GRM8: variants seen among roughly 807,000 people sequenced by gnomAD.
GRM8 encodes glutamate metabotropic receptor 8.
In GRM8, 47 loss-of-function variants were observed where a neutral mutation model predicts 87.2. The observed-to-expected ratio is 0.54, with a 90% CI of 0.43 to 0.69. The LOEUF is 0.69. Among genes scored for constraint, GRM8 ranks in the 30% least tolerant of loss-of-function variants. The pLI is 0.00. For missense variants in GRM8, 1,019 were observed against 1,139.2 expected (o/e 0.89, Z 1.52); for synonymous variants, 396 against 404.5 (o/e 0.98, Z 0.25).
chr7:126,873,545 C>T (rs1461674681), intron 6 of GRM8, among the ~76,000 whole-genome samples: 6 of 151,988 alleles, frequency 3.9e-5, no homozygotes, highest in Non-Finnish European at 8.8e-5. Flanking sequence ...TTACCTGAAC[C>T]CAGGAAATCT....
At chr7:126,740,802 C>T (rs544654680) in intron 7 of GRM8, among the ~76,000 whole-genome samples, 20 of 152,078 alleles carry the variant, frequency 1.3e-4, no homozygotes, top group Non-Finnish European at 2.2e-4. Flanking sequence ...TTTTTGTTAA[C>T]CTGCCATAAT....
At chr7:126,452,353 C>A (rs1041859832) in intron 9 of GRM8, among the ~76,000 whole-genome samples, 9 of 150,450 alleles carry the variant, frequency 6.0e-5, no homozygotes, top group Admixed American at 6.0e-4. Flanking sequence ...TTAATGGGTG[C>A]AGCACACCAA....
At chr7:126,880,115 T>C (rs953304185) in intron 6 of GRM8, among the ~76,000 whole-genome samples, 2 of 152,344 alleles carry the variant, frequency 1.3e-5, no homozygotes, top group African/African-American at 4.8e-5. Flanking sequence ...AATAAGTCTC[T>C]TGGGTAAAAC....
chr7:126,578,224 T>A (rs1795285411), intron 8 of GRM8, among the ~76,000 whole-genome samples: 2 of 152,190 alleles, frequency 1.3e-5, no homozygotes, highest in Admixed American at 1.3e-4. Context: ...GACATGTAGG[T>A]TTTTTAAAGA....
At chr7:126,819,740 A>AT (rs1563217372) in intron 6 of GRM8, among the ~76,000 whole-genome samples, 1 of 152,154 alleles carries the variant, frequency 6.6e-6, no homozygotes, top group Non-Finnish European at 1.5e-5. Context: ...ATGTAAATAG[A>AT]TTTTTTAAAA....
intron 8 of GRM8, among the ~76,000 whole-genome samples, chr7:126,588,122 A>G (rs1179631429): frequency 3.3e-5 from 5 of 152,184 alleles, no homozygotes; most frequent in Non-Finnish European, 7.3e-5. Context: ...CTGAATGTAA[A>G]AAAACATATG....
chr7:126,759,524 G>T (rs1817371191), intron 7 of GRM8, among the ~76,000 whole-genome samples: 1 of 152,094 alleles, frequency 6.6e-6, no homozygotes, highest in African/African-American at 2.4e-5. Flanking sequence ...CCTTAAGAAT[G>T]TCATAAAAAC....
At chr7:127,112,392 A>T (rs1403741261) in intron 2 of GRM8, 1 of 152,126 alleles carries the variant, frequency 6.6e-6, no homozygotes. Flanking sequence ...TAATTTGTGT[A>T]TTCTGTTTCC....
chr7:126,738,201 A>G (rs10487459), intron 7 of GRM8, among the ~76,000 whole-genome samples: 49,367 of 151,916 alleles, frequency 0.32, 8,646 homozygotes, highest in Non-Finnish European at 0.38. Context: ...TGATGTGTTA[A>G]GCCAAGGAGT....
At chr7:127,227,589 G>A (rs1475190749) in intron 2 of GRM8, among the ~76,000 whole-genome samples, 1 of 152,084 alleles carries the variant, frequency 6.6e-6, no homozygotes, top group East Asian at 1.9e-4. Flanking sequence ...TGGTGTTTAC[G>A]GTGTTTCCCT....
intron 3 of GRM8, among the ~76,000 whole-genome samples, chr7:127,059,894 G>C (rs572424971): frequency 9.9e-5 from 15 of 152,256 alleles, no homozygotes; most frequent in Admixed American, 2.6e-4. Context: ...TTCTCTTCTG[G>C]TGTGTACATA....
At chr7:126,489,443 T>A (rs1178119071) in intron 9 of GRM8, among the ~76,000 whole-genome samples, 2 of 152,046 alleles carry the variant, frequency 1.3e-5, no homozygotes, top group African/African-American at 4.8e-5. Context: ...AGAGGATGAT[T>A]TGAATATTGG....
At chr7:126,640,580 A>G (rs991617625) in intron 7 of GRM8, among the ~76,000 whole-genome samples, 2 of 152,040 alleles carry the variant, frequency 1.3e-5, no homozygotes, top group African/African-American at 4.8e-5. Flanking sequence ...GACAAAGAAT[A>G]TATATTAGGG....
chr7:126,523,694 C>T (rs1003326974), intron 9 of GRM8, among the ~76,000 whole-genome samples: 1 of 152,064 alleles, frequency 6.6e-6, no homozygotes, highest in Non-Finnish European at 1.5e-5. Context: ...GATGCGGTAT[C>T]GCCAGGTTGG....
chr7:127,227,968 C>A (rs1797446346), intron 2 of GRM8, among the ~76,000 whole-genome samples: 1 of 152,194 alleles, frequency 6.6e-6, no homozygotes, highest in Non-Finnish European at 1.5e-5. Context: ...GAGCTGAAGT[C>A]TTCTGCATTA....
chr7:126,754,721 T>A (rs935725408), intron 7 of GRM8, among the ~76,000 whole-genome samples: 5 of 151,960 alleles, frequency 3.3e-5, no homozygotes, highest in Non-Finnish European at 7.4e-5. Context: ...CATTGTAAAC[T>A]TAAAAGCTGT....
At chr7:127,039,596 G>A (rs952100125) in intron 3 of GRM8, among the ~76,000 whole-genome samples, 4 of 143,276 alleles carry the variant, frequency 2.8e-5, no homozygotes, top group Non-Finnish European at 6.1e-5. Flanking sequence ...CACAATGCTG[G>A]TCTGGTCTGC....
intron 6 of GRM8, among the ~76,000 whole-genome samples, chr7:126,796,469 A>G (rs1458652600): frequency 6.6e-6 from 1 of 152,120 alleles, no homozygotes; most frequent in East Asian, 1.9e-4. Flanking sequence ...GATGACTTAA[A>G]TGACCTTCAC....
chr7:126,803,165 T>C (rs2151713961), intron 6 of GRM8, among the ~76,000 whole-genome samples: 1 of 152,316 alleles, frequency 6.6e-6, no homozygotes, highest in South Asian at 2.1e-4. Context: ...ATTGTAAATG[T>C]TTTGGGTGTC....
Sources: gnomAD v4.1 joint callset for allele counts (sites outside exome capture counted in the v4.1 genomes callset) on GRCh38, gnomAD v4.1.1 for gene constraint, MANE v1.5 for transcripts, NCBI Gene and HGNC (gene_info 2026-07-23, HGNC 2026-07-21) for gene names.